The following BPIFC variants were observed in gnomAD, a reference collection of about 807,000 sequenced individuals.
BPIFC encodes BPI fold containing family C, also known as BPI fold-containing family C protein.
In BPIFC, 60 loss-of-function variants were observed where a neutral mutation model predicts 57.6. The observed-to-expected ratio is 1.04, with a 90% confidence interval of 0.85 to 1.29. BPIFC has a LOEUF of 1.29. Ranked by LOEUF, BPIFC falls within the 50% of genes most tolerant of loss-of-function variation. The probability of loss-of-function intolerance (pLI) is 0.00; values close to 1 mark genes in which losing one functional copy is unlikely to be tolerated. For missense variants in BPIFC, 581 were observed against 600.5 expected, an observed-to-expected ratio of 0.97 and a Z score of 0.34; for synonymous variants, 243 against 224.5, an observed-to-expected ratio of 1.08 and a Z score of -0.74.
intron 13 of BPIFC, among the ~76,000 whole-genome samples, chr22:32,424,450 A>G (rs982028765): frequency 2.0e-5 from 3 of 151,932 alleles, no homozygotes; most frequent in Admixed American, 6.6e-5. Flanking sequence ...TTCTTTTATC[A>G]ATGCTGAATA....
chr22:32,448,794 C>T (rs1291144561), intron 4 of BPIFC, among the ~76,000 whole-genome samples: 4 of 151,912 alleles, frequency 2.6e-5, no homozygotes, highest in Non-Finnish European at 4.4e-5. Context: ...AAAAATTAAC[C>T]GGGTGTGGTG....
At position 32,436,382 on chromosome 22, in the gene BPIFC, GGAGGAGGAGGAA is replaced by G. The variant is rs796971105; in HGVS notation, c.748-514_748-503del. Among the ~76,000 whole-genome samples, 334 of 146,886 alleles carry G rather than the reference GGAGGAGGAGGAA, an allele frequency of 2.3e-3. 2 individuals are homozygous for G. Among genetic ancestry groups the G allele is most frequent in the African/African-American group, 4.8e-3 (189 of 39,724 alleles). On this transcript the variant is annotated intron_variant, in intron 9 of 16. Transcript: ENST00000300399. ...AGGAGGAGGAGGAGGAGGAGGAAGA[GGAGGAGGAGGAA>G]GAGGAGGAGGAGGAGGGAAAAGAAG...
rs117367221 is a variant in BPIFC at position 32,451,335 on chromosome 22, C to T, written c.245+2048G>A. Among the ~76,000 whole-genome samples the T allele has an allele frequency of 4.4e-3, 663 of 152,296 alleles. 28 individuals carry two copies. In the East Asian group the frequency reaches 0.11, roughly 24 times the overall value. On this transcript the variant is annotated intron_variant, in intron 4 of 16. Transcript: ENST00000300399. ...TGTGAGTAGTGCCACGATAAACATA[C>T]GTGTGCATGTGTCTTTACAGCAATA...
chr22:32,427,818 C>A (rs1173870379), intron 13 of BPIFC, among the ~76,000 whole-genome samples: 1 of 152,168 alleles, frequency 6.6e-6, no homozygotes, highest in Non-Finnish European at 1.5e-5. Flanking sequence ...GAAACCCCGT[C>A]TCTACTAAAA....
At position 32,445,861 on chromosome 22, in the gene BPIFC, G is replaced by A. The variant is rs777343241; in HGVS notation, c.510C>T (p.Val170=). 5 of 1,614,124 alleles carry A rather than the reference G, an allele frequency of 3.1e-6. No individual in the cohort carries two copies. The East Asian group carries it at 8.9e-5, about 29-fold the overall frequency. ...DCYAQLSHAH[V]SFSGELSVLY... ...TTCACCTGAGTTCTCCGGAAAATGA[G>A]ACGTGGGCATGGCTCAGTTGGGCGT... Residue 170 remains valine, a synonymous_variant, in exon 6 of 17, where the codon GTC becomes GTT. Coordinates refer to ENST00000300399, the MANE Select transcript of BPIFC (RefSeq NM_174932.3).
At chr22:32,433,868 A>C in intron 10 of BPIFC, 96 bp from the exon 11 acceptor site, 1 of 1,033,868 alleles carries the variant, frequency 9.7e-7, no homozygotes, top group Non-Finnish European at 1.5e-6. Flanking sequence ...CGAATTGTGA[A>C]GCTGTTACAC....
chr22:32,438,853 G>C (rs768213775), intron 8 of BPIFC, among the ~76,000 whole-genome samples: 7 of 151,654 alleles, frequency 4.6e-5, no homozygotes, highest in Non-Finnish European at 1.0e-4. Flanking sequence ...CTTTACTGTT[G>C]TCATTAGAAA....
chr22:32,415,074 A>G (rs1444720982), intron 16 of BPIFC, among the ~76,000 whole-genome samples: 1 of 152,176 alleles, frequency 6.6e-6, no homozygotes, highest in African/African-American at 2.4e-5. Flanking sequence ...TCGGGATGAA[A>G]CTGTTCCACC....
At chr22:32,425,033 C>T (rs938925143) in intron 13 of BPIFC, among the ~76,000 whole-genome samples, 1 of 152,090 alleles carries the variant, frequency 6.6e-6, no homozygotes, top group Non-Finnish European at 1.5e-5. Context: ...TCACCTGCCT[C>T]GGCCTCCCAA....
Position 32,442,874 on chromosome 22 carries a change from G to A in BPIFC, c.595-143C>T, listed in dbSNP as rs1432364197. 6 of 783,232 alleles carry A rather than the reference G, an allele frequency of 7.7e-6. No individual in the cohort carries two copies. The African/African-American group carries it at 8.7e-5, about 11-fold the overall frequency. The allele number at this position is 783,232 out of a possible 1,614,324, so 48.5% of individuals were successfully genotyped here. A position where few individuals can be genotyped will look rare whatever the true frequency, so the allele number is the denominator to read the frequency against. On this transcript the variant is annotated intron_variant, in intron 7 of 16. Transcript: ENST00000300399. Reference sequence around the variant, plus strand: ...GTCATCGAGACATTCTCTTAAATTTGTTGATGTCTATGGGCCTCGCTTTAC... The same window carrying A: ...GTCATCGAGACATTCTCTTAAATTTATTGATGTCTATGGGCCTCGCTTTAC...
chr22:32,460,294 T>G lies in BPIFC; in HGVS notation c.-1+1280A>C. ...ATTTTAGGAAAACCCCACACCAGTG[T>G]ACGCAGCTGGGTGGGAGGTGGAAGG... On this transcript the variant is annotated intron_variant, in intron 2 of 16. Transcript: ENST00000300399. Among the ~76,000 whole-genome samples the G allele has an allele frequency of 1.3e-5, 2 of 152,138 alleles. 1 individual carries two copies. The highest frequency in any genetic ancestry group is 1.3e-4 in the Admixed American group (2 of 15,282).
In BPIFC at chr22:32,435,716, G is replaced by A; in HGVS notation, c.912C>T (p.Leu304=). The A allele has an allele frequency of 6.2e-7, 1 of 1,613,902 alleles. No individual in the cohort carries two copies. Among genetic ancestry groups the A allele is most frequent in the Non-Finnish European group, 8.5e-7 (1 of 1,179,916 alleles). ...TAACTCTCCTCACCTCTTCGGTGGA[G>A]AGAGTGACATTGAAAACCCCAGCTG... ...HFTAGVFNVT[L]STEEISNHFV... is the part of the protein sequence containing the mutation. Residue 304 remains leucine, a synonymous_variant, in exon 10 of 17, where the codon CTC becomes CTT. Coordinates refer to ENST00000300399, the MANE Select transcript of BPIFC (RefSeq NM_174932.3).
Position 32,414,523 on chromosome 22 carries a change from T to C in BPIFC, c.1402-98A>G, listed in dbSNP as rs555235244. The C allele has an allele frequency of 1.0e-4, 149 of 1,424,258 alleles. No homozygotes were observed. The East Asian group carries it at 3.7e-3, about 35-fold the overall frequency. 88.2% of individuals were successfully genotyped at this position (1,424,258 alleles called of 1,614,324 possible). A position where few individuals can be genotyped will look rare whatever the true frequency, so the allele number is the denominator to read the frequency against. ...AGATGGCTTCTTTTTTTTATTATTT[T>C]AATTTTGAGATGGAGTCTCAAAGGC... On this transcript the variant is annotated intron_variant, in intron 16 of 16. Transcript: ENST00000300399.
chr22:32,430,340 A>C (rs1286636784), intron 13 of BPIFC, among the ~76,000 whole-genome samples: 2 of 152,058 alleles, frequency 1.3e-5, no homozygotes, highest in Non-Finnish European at 2.9e-5. Context: ...TGGTTCCTTA[A>C]CTCCCAAAGC....
chr22:32,448,425 G>A (rs999585364), intron 4 of BPIFC, among the ~76,000 whole-genome samples: 3 of 152,136 alleles, frequency 2.0e-5, no homozygotes, highest in African/African-American at 7.2e-5. Flanking sequence ...AGGACATTTG[G>A]TGCATATGCC....
chr22:32,424,378 C>T (rs975899843), intron 13 of BPIFC, among the ~76,000 whole-genome samples: 6 of 152,038 alleles, frequency 3.9e-5, no homozygotes, highest in Non-Finnish European at 5.9e-5. Context: ...TTCCTTGATG[C>T]GGTGACAAAA....
In BPIFC at chr22:32,435,809, G is replaced by T. The variant is rs1363259632; in HGVS notation, c.819C>A (p.Arg273=). Residue 273 remains arginine (R), a synonymous_variant, in exon 10 of 17, where the codon CGC becomes CGA. Coordinates refer to ENST00000300399, the MANE Select transcript of BPIFC (RefSeq NM_174932.3). The stretch of plus-strand genomic sequence containing the variant: ...TTCCAATGTAGAGCATGGAGTTGCT[G>T]CGTTCTGGGAGCACAAAAGGAACTG... ...FSPVPFVLPE[R]SNSMLYIGIA... is the part of the protein sequence containing the mutation. The T allele has an allele frequency of 6.2e-7, 1 of 1,614,072 alleles. No homozygotes were observed. The highest frequency in any genetic ancestry group is 1.3e-5 in the African/African-American group (1 of 74,928).
chr22:32,432,349 G>A (rs546755313), intron 12 of BPIFC, 24 bp downstream of exon 12: 2 of 1,612,632 alleles, frequency 1.2e-6, no homozygotes, highest in Admixed American at 3.3e-5. Flanking sequence ...TCTACAGGCT[G>A]CTCCACTGTC....
At chr22:32,450,858 G>A (rs889793674) in intron 4 of BPIFC, among the ~76,000 whole-genome samples, 1 of 152,076 alleles carries the variant, frequency 6.6e-6, no homozygotes, top group East Asian at 1.9e-4. Flanking sequence ...AATACGTCTT[G>A]TTCCAAGCAT....
Sources: allele counts gnomAD v4.1 joint callset (sites outside exome capture counted in the v4.1 genomes callset), GRCh38; gene constraint gnomAD v4.1.1; transcripts MANE v1.5; gene names NCBI Gene and HGNC (gene_info 2026-07-23, HGNC 2026-07-21).